The following CHM variants were observed in gnomAD, a reference collection of about 807,000 sequenced individuals.
CHM encodes the protein rab proteins geranylgeranyltransferase component A 1.
CHM carries 10 observed loss-of-function variants against 49.0 expected under a neutral mutation model. That is an observed-to-expected ratio of 0.20 (90% CI 0.13 to 0.35). The LOEUF is 0.35. CHM is among the 10% of genes least tolerant of loss of function. The pLI, the probability that CHM is intolerant of heterozygous loss-of-function variation, is 1.00. For synonymous variants in CHM, 184 were observed against 167.5 expected, an observed-to-expected ratio of 1.10 and a Z score of -0.76; for missense variants, 455 against 478.4, an observed-to-expected ratio of 0.95 and a Z score of 0.46.
Position 85,867,985 on chromosome X carries a change from A to G in CHM, c.1771-3164T>C, listed in dbSNP as rs752428429. Among the ~76,000 whole-genome samples the G allele has an allele frequency of 1.6e-4, 18 of 110,350 alleles. No homozygotes were observed. In the East Asian group the frequency reaches 5.2e-3, roughly 32 times the overall value. On this transcript the variant is annotated intron_variant, in intron 14 of 14. Transcript: ENST00000357749. ...ACACTGTGTAATGATTACCACAATT[A>G]AGTTAACACGTCCATCACCACTAAT...
At chrX:85,897,060 A>G (rs1434078283) in intron 11 of CHM, among the ~76,000 whole-genome samples, 1 of 92,968 alleles carries the variant, frequency 1.1e-5, no homozygotes, top group African/African-American at 4.2e-5. Flanking sequence ...AATACATTAC[A>G]TAATATATTA....
chrX:85,883,548 T>A (rs1383610065), intron 12 of CHM, among the ~76,000 whole-genome samples: 4 of 111,091 alleles, frequency 3.6e-5, no homozygotes, highest in Non-Finnish European at 5.7e-5. Context: ...CTCCAGAACA[T>A]CACCTTAAGA....
chrX:86,010,244 A>AC (rs1373823765), intron 2 of CHM, among the ~76,000 whole-genome samples: 51 of 101,299 alleles, frequency 5.0e-4, no homozygotes, highest in African/African-American at 1.8e-3. Flanking sequence ...TAGGAGAAAT[A>AC]CCTAATGTAA....
intron 2 of CHM, among the ~76,000 whole-genome samples, chrX:86,020,092 T>C (rs949513311): frequency 1.8e-5 from 2 of 111,584 alleles, no homozygotes; most frequent in Admixed American, 9.6e-5. Context: ...TCAACTCTCA[T>C]GAACCCAATT....
At chrX:86,026,026 G>A (rs1933794206) in intron 2 of CHM, among the ~76,000 whole-genome samples, 1 of 103,213 alleles carries the variant, frequency 9.7e-6, no homozygotes, top group Non-Finnish European at 1.9e-5. Flanking sequence ...GTTAAATAAG[G>A]TCATGAAAAA....
chrX:86,042,250 T>C (rs2147812157), intron 1 of CHM, among the ~76,000 whole-genome samples: 1 of 111,666 alleles, frequency 9.0e-6, no homozygotes, highest in South Asian at 3.8e-4. Flanking sequence ...AAAAGCAGCC[T>C]ATCATTTTTA....
intron 2 of CHM, among the ~76,000 whole-genome samples, chrX:85,986,813 A>T (rs1931940472): frequency 8.9e-6 from 1 of 112,024 alleles, no homozygotes; most frequent in Admixed American, 9.5e-5. Context: ...GTTCTTGACC[A>T]GGCTAAGCCG....
chrX:86,019,572 G>A (rs1321181051), intron 2 of CHM: 2 of 111,738 alleles, frequency 1.8e-5, no homozygotes, highest in Non-Finnish European at 3.8e-5. Flanking sequence ...ACAGAGAAGA[G>A]GCATAAATAA....
At chrX:85,956,027 AAATAG>A (rs1377539233) in intron 8 of CHM, 121 bp downstream of exon 8, 9 of 528,328 alleles carry the variant, frequency 1.7e-5, no homozygotes, top group Admixed American at 3.6e-5. Flanking sequence ...TATAAAAAAT[AAATAG>A]AATAAAGTAT....
At chrX:86,011,882 G>C (rs1200126229) in intron 2 of CHM, among the ~76,000 whole-genome samples, 1 of 111,566 alleles carries the variant, frequency 9.0e-6, no homozygotes, top group Non-Finnish European at 1.9e-5. Context: ...GTGACCTCTA[G>C]AAACTGGAAA....
At position 85,895,205 on chromosome X, in the gene CHM, A is replaced by C. The variant is rs5967643; in HGVS notation, c.1414-921T>G. ...GGCTGGTGTACAGTGGTACAATCTC[A>C]GCTCACTGCAACCCCCGCCTCCTGG... is the stretch of plus-strand genomic sequence containing the variant. On this transcript the variant is annotated intron_variant, in intron 11 of 14. Coordinates refer to ENST00000357749, the MANE Select transcript of CHM (RefSeq NM_000390.4). 3.6e-3 allele frequency among the ~76,000 whole-genome samples: 353 copies of C among 98,757 alleles called. 2 individuals are homozygous for C. The East Asian group carries it at 0.053, about 15-fold the overall frequency. 85.8% of individuals were successfully genotyped at this position (98,757 alleles called of 115,157 possible).
intron 8 of CHM, among the ~76,000 whole-genome samples, chrX:85,925,512 G>C (rs1928029944): frequency 9.0e-6 from 1 of 111,216 alleles, no homozygotes; most frequent in African/African-American, 3.3e-5. Context: ...AAATTCAAAA[G>C]AAAGCCTTTG....
Position 85,925,537 on chromosome X carries a change from G to C in CHM, c.1167-14199C>G, listed in dbSNP as rs140655525. Among the ~76,000 whole-genome samples, 649 of 110,761 alleles carry C rather than the reference G, an allele frequency of 5.9e-3. 4 individuals are homozygous for C. The highest frequency in any genetic ancestry group is 0.011 in the Admixed American group (113 of 10,377). The stretch of plus-strand genomic sequence containing the variant: ...GAAAGCCTTTGGTTCAAACTTTTGG[G>C]GTGTAGCAAACTAGCCTACAGCAAT... On this transcript the variant is annotated intron_variant, in intron 8 of 14. Coordinates refer to ENST00000357749, the MANE Select transcript of CHM (RefSeq NM_000390.4).
chrX:86,001,573 G>A (rs374813344), intron 2 of CHM, among the ~76,000 whole-genome samples: 34 of 110,943 alleles, frequency 3.1e-4, no homozygotes, highest in South Asian at 1.9e-3. Context: ...CATGCATGAT[G>A]AGAGTGGAAG....
chrX:85,875,922 G>A (rs1470798820), intron 13 of CHM, among the ~76,000 whole-genome samples: 4 of 111,725 alleles, frequency 3.6e-5, no homozygotes. Context: ...ACAGGGCTAA[G>A]TCAAGAATGC....
chrX:86,027,585 A>G (rs1259267190), intron 1 of CHM, 28 bp from the exon 2 acceptor site: 4 of 1,136,049 alleles, frequency 3.5e-6, no homozygotes, highest in South Asian at 3.6e-5. Flanking sequence ...CGTATCATTT[A>G]GAATGTAGAA....
chrX:86,038,279 C>A (rs751440548), intron 1 of CHM, among the ~76,000 whole-genome samples: 2 of 111,811 alleles, frequency 1.8e-5, no homozygotes, highest in Admixed American at 9.5e-5. Context: ...GAGACAAATG[C>A]GTATCTGATG....
At chrX:85,871,304 C>CAAAAAAAAAAAAAAAAAAA (rs150005971) in intron 14 of CHM, among the ~76,000 whole-genome samples, 1 of 62,094 alleles carries the variant, frequency 1.6e-5, no homozygotes, top group African/African-American at 7.0e-5. Context: ...AAGACTGTCT[C>CAAAAAAAAAAAAAAAAAAA]AAAAAAAAAA....
chrX:85,918,681 A>T (rs1415862473), intron 8 of CHM, among the ~76,000 whole-genome samples: 3 of 112,202 alleles, frequency 2.7e-5, no homozygotes, highest in African/African-American at 9.7e-5. Context: ...TGACACCCAT[A>T]GGCTCAAAGT....
Sources: allele counts gnomAD v4.1 joint callset (sites outside exome capture counted in the v4.1 genomes callset), GRCh38; gene constraint gnomAD v4.1.1; transcripts MANE v1.5; gene names NCBI Gene and HGNC (gene_info 2026-07-23, HGNC 2026-07-21).